The following CEP112 variants were observed in gnomAD, a reference collection of about 807,000 sequenced individuals.
The protein encoded by CEP112 is centrosomal protein 112.
In CEP112, 127 loss-of-function variants were observed where a neutral mutation model predicts 153.0. That is an observed-to-expected ratio of 0.83 (90% CI 0.72 to 0.96). The LOEUF is 0.96. CEP112 is among the 40% of genes least tolerant of loss of function. The probability of loss-of-function intolerance (pLI) is 0.00; values close to 1 mark genes in which losing one functional copy is unlikely to be tolerated. For missense variants in CEP112, 1,089 were observed against 1,101.2 expected (o/e 0.99, Z 0.16); for synonymous variants, 358 against 374.4 (o/e 0.96, Z 0.51).
At chr17:65,776,273 C>T (rs2053671539) in intron 21 of CEP112, among the ~76,000 whole-genome samples, 3 of 152,156 alleles carry the variant, frequency 2.0e-5, no homozygotes, top group Admixed American at 2.0e-4. Flanking sequence ...CTCGCTCTGT[C>T]GCCCAGGCTG....
At chr17:66,016,005 T>C (rs962641761) in intron 16 of CEP112, among the ~76,000 whole-genome samples, 12 of 152,210 alleles carry the variant, frequency 7.9e-5, no homozygotes, top group Non-Finnish European at 1.3e-4. Flanking sequence ...TTACAAAATC[T>C]GACCTAACCC....
intron 8 of CEP112, among the ~76,000 whole-genome samples, chr17:66,087,944 C>T (rs2068001257): frequency 6.6e-6 from 1 of 152,038 alleles, no homozygotes; most frequent in Non-Finnish European, 1.5e-5. Flanking sequence ...CAGCCAGTAC[C>T]CCAGGACTGA....
At chr17:65,966,275 T>C (rs910381810) in intron 17 of CEP112, among the ~76,000 whole-genome samples, 1 of 152,234 alleles carries the variant, frequency 6.6e-6, no homozygotes, top group Admixed American at 6.5e-5. Flanking sequence ...CTGAAGTACA[T>C]GATTATTCCA....
intron 4 of CEP112, among the ~76,000 whole-genome samples, chr17:66,153,999 C>A (rs1327377286): frequency 2.7e-5 from 1 of 37,392 alleles, no homozygotes; most frequent in East Asian, 8.7e-4. Flanking sequence ...CCTATCTCTA[C>A]TAAGAAAAAA....
At chr17:65,835,007 T>C (rs536247762) in intron 21 of CEP112, among the ~76,000 whole-genome samples, 17 of 152,212 alleles carry the variant, frequency 1.1e-4, no homozygotes, top group Non-Finnish European at 2.1e-4. Flanking sequence ...TGGAATACTA[T>C]GCAGCCATAA....
intron 16 of CEP112, among the ~76,000 whole-genome samples, chr17:66,021,229 G>A (rs539134069): frequency 3.9e-5 from 6 of 152,044 alleles, no homozygotes; most frequent in Non-Finnish European, 5.9e-5. Context: ...TATCAAGCTC[G>A]GCGGGTCCCT....
At chr17:65,899,896 C>T in intron 20 of CEP112, among the ~76,000 whole-genome samples, 1 of 152,106 alleles carries the variant, frequency 6.6e-6, no homozygotes, top group East Asian at 1.9e-4. Flanking sequence ...CTGCATCAAA[C>T]TACAACACAG....
chr17:65,721,490 C>T lies in CEP112; in HGVS notation c.2607+21578G>A, dbSNP rs543732417. 3.3e-5 allele frequency among the ~76,000 whole-genome samples: 5 copies of T among 152,266 alleles called. No individual in the cohort carries two copies. The East Asian group carries it at 9.6e-4, about 29-fold the overall frequency. ...AGCACAGAGCCTGACATCTTCATAC[C>T]ACTGTGCTGGTATCCTTCCAAAAAT... On this transcript the variant is annotated intron_variant, in intron 23 of 26. Transcript: ENST00000535342.
At chr17:66,090,737 C>A (rs1598331961) in intron 8 of CEP112, among the ~76,000 whole-genome samples, 1 of 151,958 alleles carries the variant, frequency 6.6e-6, no homozygotes, top group East Asian at 1.9e-4. Context: ...ATTCTCTAAT[C>A]AAAAGACAGA....
intron 20 of CEP112, among the ~76,000 whole-genome samples, chr17:65,868,699 T>C (rs1166555758): frequency 6.6e-6 from 1 of 152,190 alleles, no homozygotes; most frequent in Non-Finnish European, 1.5e-5. Flanking sequence ...ATTTATTTCA[T>C]GGAGACTGAA....
intron 4 of CEP112, among the ~76,000 whole-genome samples, chr17:66,161,365 A>G (rs1224745838): frequency 1.3e-5 from 2 of 152,208 alleles, no homozygotes; most frequent in Non-Finnish European, 2.9e-5. Context: ...TCATTCTACT[A>G]TAAAGATACA....
At chr17:65,988,228 T>C (rs2063473610) in intron 17 of CEP112, among the ~76,000 whole-genome samples, 1 of 152,108 alleles carries the variant, frequency 6.6e-6, no homozygotes, top group African/African-American at 2.4e-5. Flanking sequence ...AAGGAGGCAG[T>C]GATCTAGCGA....
intron 11 of CEP112, among the ~76,000 whole-genome samples, chr17:66,058,599 A>G (rs1246443367): frequency 2.0e-5 from 3 of 152,122 alleles, no homozygotes; most frequent in African/African-American, 7.2e-5. Flanking sequence ...CTGTAATCTC[A>G]GCACTACTGG....
intron 20 of CEP112, among the ~76,000 whole-genome samples, chr17:65,854,296 A>AT (rs2058059151): frequency 6.6e-6 from 1 of 152,220 alleles, no homozygotes; most frequent in African/African-American, 2.4e-5. Flanking sequence ...GAATTATTTC[A>AT]TTTTCAATAT....
At chr17:65,638,976 C>T (rs1209924945) in intron 25 of CEP112, among the ~76,000 whole-genome samples, 1 of 152,090 alleles carries the variant, frequency 6.6e-6, no homozygotes, top group African/African-American at 2.4e-5. Flanking sequence ...AGCTCACCTA[C>T]AAACTTAATG....
intron 24 of CEP112, among the ~76,000 whole-genome samples, chr17:65,671,973 A>G (rs189055566): frequency 6.6e-6 from 1 of 152,330 alleles, no homozygotes; most frequent in Admixed American, 6.5e-5. Context: ...TTAATAAATA[A>G]GGATGAAATA....
intron 21 of CEP112, among the ~76,000 whole-genome samples, chr17:65,791,341 A>G (rs957770702): frequency 2.0e-5 from 3 of 152,182 alleles, no homozygotes; most frequent in Non-Finnish European, 4.4e-5. Context: ...AACGCTTTTG[A>G]GCTTTTTCTA....
At chr17:65,686,774 T>C (rs1373396351) in intron 24 of CEP112, among the ~76,000 whole-genome samples, 1 of 152,196 alleles carries the variant, frequency 6.6e-6, no homozygotes, top group Non-Finnish European at 1.5e-5. Context: ...GGAAAGTCAA[T>C]GGCATTTGCT....
At chr17:65,638,865 T>C (rs2143245415) in intron 25 of CEP112, among the ~76,000 whole-genome samples, 1 of 152,124 alleles carries the variant, frequency 6.6e-6, no homozygotes, top group Non-Finnish European at 1.5e-5. Flanking sequence ...ATATGAATGA[T>C]AACAGAAGCC....
Sources: gnomAD v4.1 joint callset for allele counts (sites outside exome capture counted in the v4.1 genomes callset) on GRCh38, gnomAD v4.1.1 for gene constraint, MANE v1.5 for transcripts, NCBI Gene and HGNC (gene_info 2026-07-23, HGNC 2026-07-21) for gene names.